The following BAIAP3 variants were observed in gnomAD, a reference collection of about 807,000 sequenced individuals.
BAIAP3 encodes BAI1-associated protein 3.
In BAIAP3, 180 loss-of-function variants were observed where a neutral mutation model predicts 149.7. The ratio of observed to expected loss-of-function variants is 1.20; its 90% confidence interval spans 1.07 to 1.36. The LOEUF is 1.36. BAIAP3 is among the 40% of genes most tolerant of loss of function. The pLI is 0.00. For synonymous variants in BAIAP3, 845 were observed against 670.7 expected, an observed-to-expected ratio of 1.26 and a Z score of -4.02; for missense variants, 1,767 against 1,563.4, an observed-to-expected ratio of 1.13 and a Z score of -2.20.
chr16:1,339,226 A>G lies in BAIAP3; in HGVS notation c.282A>G (p.Arg94=). Reference sequence around the variant, plus strand: ...CTGTGGATCCCAGCCTCGGCCTGAGAGCCCTGGCCCCAGAGGAGGTAAAGG... The same window carrying G: ...CTGTGGATCCCAGCCTCGGCCTGAGGGCCCTGGCCCCAGAGGAGGTAAAGG... ...PEPVDPSLGL[R]ALAPEEVEML... Residue 94 remains arginine, a synonymous_variant, in exon 4 of 34, where the codon AGA becomes AGG. Coordinates refer to ENST00000426824, the MANE Select transcript of BAIAP3 (RefSeq NM_001199097.2). The G allele has an allele frequency of 2.6e-6, 4 of 1,564,998 alleles. No homozygotes were observed. The highest frequency in any genetic ancestry group is 3.5e-6 in the Non-Finnish European group (4 of 1,156,938).
intron 1 of BAIAP3, chr16:1,334,585 C>A: frequency 7.1e-7 from 1 of 1,401,302 alleles, no homozygotes; most frequent in Non-Finnish European, 9.8e-7. Context: ...TGGACCTTGG[C>A]AGCCGTCTGA....
chr16:1,345,709 TGCCTCCC>T, intron 22 of BAIAP3, 31 bp from the exon 23 acceptor site: 1 of 561,850 alleles, frequency 1.8e-6, no homozygotes, highest in Admixed American at 8.7e-5. Flanking sequence ...CAGCCTCCCC[TGCCTCCC>T]CAGCAAACCC....
intron 27 of BAIAP3, 75 bp from the exon 28 acceptor site, chr16:1,346,772 T>A (rs2034402117): frequency 6.5e-7 from 1 of 1,527,264 alleles, no homozygotes; most frequent in African/African-American, 1.4e-5. Flanking sequence ...TGGGAGCTAC[T>A]CCTCCAGGCC....
Position 1,346,516 on chromosome 16 carries a change from T to C in BAIAP3, c.2562+6T>C, listed in dbSNP as rs375315463. 5.4e-4 allele frequency: 865 copies of C among 1,608,674 alleles called. 9 individuals are homozygous for C. The South Asian group carries it at 8.9e-3, about 17-fold the overall frequency. On this transcript the variant is annotated splice_donor_region_variant and intron_variant, in intron 26 of 33. Coordinates refer to ENST00000426824, the MANE Select transcript of BAIAP3 (RefSeq NM_001199097.2). ...ACTCCATCCAGAACGATGAGGTGAG[T>C]GCCGGGGCGAGGGGCCGTGGAGGAC... is the stretch of plus-strand genomic sequence containing the variant.
At position 1,338,687 on chromosome 16, in the gene BAIAP3, G is replaced by T; in HGVS notation, c.131+7G>T. 6.4e-7 allele frequency: 1 copy of T among 1,572,758 alleles called. No individual in the cohort carries two copies. On this transcript the variant is annotated splice_region_variant and intron_variant, in intron 2 of 33. Coordinates refer to ENST00000426824, the MANE Select transcript of BAIAP3 (RefSeq NM_001199097.2). ...AGCCTGCCACGGGGGCCTGGTGGGTGCCGAGGGGCCCAGCCCCACACGCCC... is the reference window on the plus strand; with the variant it reads ...AGCCTGCCACGGGGGCCTGGTGGGTTCCGAGGGGCCCAGCCCCACACGCCC...
At position 1,345,909 on chromosome 16, in the gene BAIAP3, G is replaced by A; in HGVS notation, c.2208+19G>A. 1.9e-6 allele frequency: 3 copies of A among 1,579,512 alleles called. No individual in the cohort carries two copies. Among genetic ancestry groups the A allele is most frequent in the Non-Finnish European group, 1.7e-6 (2 of 1,163,086 alleles). ...TGGCCAGGTGTGTGGGTGGGCCCTGGGGGTGAGGGGAACGGGTGGGAGAGG... is the reference window on the plus strand; with the variant it reads ...TGGCCAGGTGTGTGGGTGGGCCCTGAGGGTGAGGGGAACGGGTGGGAGAGG... On this transcript the variant is annotated intron_variant, in intron 23 of 33. Coordinates refer to ENST00000426824, the MANE Select transcript of BAIAP3 (RefSeq NM_001199097.2).
chr16:1,341,602 T>C (rs1026912282), intron 8 of BAIAP3, 113 bp downstream of exon 8: 1 of 1,380,822 alleles, frequency 7.2e-7, no homozygotes, highest in Non-Finnish European at 9.8e-7. Context: ...TGGGGCCGTG[T>C]GCCCACTTTC....
chr16:1,346,874 C>A lies in BAIAP3; in HGVS notation c.2670C>A (p.Leu890=). 2 of 1,608,410 alleles carry A rather than the reference C, an allele frequency of 1.2e-6. No homozygotes were observed. Among genetic ancestry groups the A allele is most frequent in the Non-Finnish European group, 1.7e-6 (2 of 1,178,928 alleles). ...TGCTGGAGGCCCTGTGGGAGCTACT[C>A]CTCCAGGCCATTCTGCAGGCGCTGG... The part of the protein sequence containing the change: ...SRVLEALWEL[L]LQAILQALGA... The change falls in exon 28 of 34, where the codon CTC becomes CTA. Residue 890 remains leucine (L), a synonymous_variant. Coordinates refer to ENST00000426824, the MANE Select transcript of BAIAP3 (RefSeq NM_001199097.2).
intron 1 of BAIAP3, among the ~76,000 whole-genome samples, chr16:1,336,873 G>A (rs967534471): frequency 2.5e-4 from 38 of 152,208 alleles, no homozygotes; most frequent in Non-Finnish European, 4.3e-4. Flanking sequence ...TCCGCAGGTG[G>A]ATGAGGGAGC....
At position 1,348,731 on chromosome 16, in the gene BAIAP3, G is replaced by C. The variant is rs1255731469; in HGVS notation, c.*249G>C. On this transcript the variant is annotated 3_prime_UTR_variant, in exon 34 of 34. Coordinates refer to ENST00000426824, the MANE Select transcript of BAIAP3 (RefSeq NM_001199097.2). ...CAGGACTTGGCCAGCAGCTGCCCAG[G>C]ACACAGTGCAGGCCAGAGCGGGCTT... The C allele has an allele frequency of 1.7e-6, 1 of 580,262 alleles. No individual in the cohort carries two copies. Among genetic ancestry groups the C allele is most frequent in the African/African-American group, 1.9e-5 (1 of 53,416 alleles). 35.9% of individuals were successfully genotyped at this position (580,262 alleles called of 1,614,324 possible).
Position 1,333,725 on chromosome 16 carries a change from C to T in BAIAP3, c.-35C>T, listed in dbSNP as rs917113350. 2 of 39,928 alleles carry T rather than the reference C, an allele frequency of 5.0e-5. No individual in the cohort carries two copies. Among genetic ancestry groups the T allele is most frequent in the Admixed American group, 1.7e-4 (1 of 6,030 alleles). The allele number at this position is 39,928 out of a possible 1,614,324, so 2.5% of individuals were successfully genotyped here. A position where few individuals can be genotyped will look rare whatever the true frequency, so the allele number is the denominator to read the frequency against. On this transcript the variant is annotated 5_prime_UTR_variant, in exon 1 of 34. Coordinates refer to ENST00000426824, the MANE Select transcript of BAIAP3 (RefSeq NM_001199097.2). ...GTGCCGAGCGCAGCGCCCCAGGAGC[C>T]CCCCCATCCCCGCGCCGGCCCACGG...
At position 1,341,832 on chromosome 16, in the gene BAIAP3, G is replaced by A. The variant is rs1480629909; in HGVS notation, c.742G>A (p.Asp248Asn). ...WKEHFLFEIE[D>N]VSTDQLHLDI... is the part of the protein sequence containing the mutation. The stretch of plus-strand genomic sequence containing the variant: ...CTGTTCTCCTTGTAGCGAGATTGAG[G>A]ATGTGAGCACGGACCAGCTGCACCT... Residue 248 changes from aspartate (D) to asparagine (N), a missense_variant, in exon 9 of 34, where the codon GAT becomes AAT. Asp to Asn is a conservative substitution (Grantham distance 23). Transcript: ENST00000426824. 2 of 1,612,350 alleles carry A rather than the reference G, an allele frequency of 1.2e-6. No individual in the cohort carries two copies.
intron 15 of BAIAP3, 80 bp from the exon 16 acceptor site, chr16:1,343,942 G>A: frequency 6.3e-7 from 1 of 1,579,064 alleles, no homozygotes; most frequent in Non-Finnish European, 8.6e-7. Context: ...GAAGGGTGTT[G>A]CGGGCCAAGG....
intron 1 of BAIAP3, among the ~76,000 whole-genome samples, chr16:1,337,736 A>T (rs1289745364): frequency 2.0e-5 from 3 of 152,174 alleles, no homozygotes; most frequent in Admixed American, 2.0e-4. Context: ...TGGCAACATG[A>T]GGGGAACTGA....
rs2034542481 is a variant in BAIAP3 at position 1,348,428 on chromosome 16, G to A, written c.3405G>A (p.Gln1135=). The change falls in exon 34 of 34, where the codon CAG becomes CAA. Residue 1135 remains glutamine, a synonymous_variant. Coordinates refer to ENST00000426824, the MANE Select transcript of BAIAP3 (RefSeq NM_001199097.2). ...RLEGRTSKEA[Q]EFVKKLKELE... ...AAGGCCGCACCAGCAAGGAGGCGCA[G>A]GAGTTCGTGAAGAAACTCAAGGAGC... 6.2e-7 allele frequency: 1 copy of A among 1,612,730 alleles called. No individual in the cohort carries two copies. The highest frequency in any genetic ancestry group is 8.5e-7 in the Non-Finnish European group (1 of 1,179,842).
In BAIAP3 at chr16:1,338,885, C is replaced by G; in HGVS notation, c.132-17C>G. 1 of 1,612,670 alleles carries G rather than the reference C, an allele frequency of 6.2e-7. No individual in the cohort carries two copies. The highest frequency in any genetic ancestry group is 1.3e-5 in the African/African-American group (1 of 75,048). On this transcript the variant is annotated splice_polypyrimidine_tract_variant and intron_variant, in intron 2 of 33. Coordinates refer to ENST00000426824, the MANE Select transcript of BAIAP3 (RefSeq NM_001199097.2). ...CAGCGTGCTGAGAGCTGTGAGCTGA[C>G]CCGGCTCTTTCTCCAGGAAACCCGG...
intron 3 of BAIAP3, 76 bp from the exon 4 acceptor site, chr16:1,339,088 G>C (rs1004702870): frequency 3.1e-6 from 5 of 1,592,202 alleles, no homozygotes; most frequent in Admixed American, 1.8e-5. Context: ...ACCTCCTGGG[G>C]CACCACCTGT....
Position 1,347,316 on chromosome 16 carries a change from C to T in BAIAP3, c.2770C>T (p.His924Tyr), listed in dbSNP as rs551080820. ...FTLEALVSFF[H>Y]AEGQGLPLES... ...GCCCCAGGCCCTGGTCAGTTTTTTC[C>T]ACGCAGAGGGTCAGGGTTTGCCCCT... The change falls in exon 29 of 34, where the codon CAC becomes TAC. Residue 924 changes from histidine (H) to tyrosine (Y), a missense_variant. Physicochemically the swap from His to Tyr is moderately conservative, Grantham distance 83. Coordinates refer to ENST00000426824, the MANE Select transcript of BAIAP3 (RefSeq NM_001199097.2). 1 of 1,613,390 alleles carries T rather than the reference C, an allele frequency of 6.2e-7. No individual in the cohort carries two copies. Among genetic ancestry groups the T allele is most frequent in the Non-Finnish European group, 8.5e-7 (1 of 1,179,934 alleles).
At position 1,345,236 on chromosome 16, in the gene BAIAP3, C is replaced by T. The variant is rs375847015; in HGVS notation, c.1941-13C>T. On this transcript the variant is annotated splice_polypyrimidine_tract_variant and intron_variant, in intron 21 of 33. Transcript: ENST00000426824. ...TGAGTCAGGGCCGAGCCCTCACAAC[C>T]CTCCCACCACAGGGACAGCCGCTCT... 2.9e-5 allele frequency: 46 copies of T among 1,612,264 alleles called. No individual in the cohort carries two copies. The highest frequency in any genetic ancestry group is 3.4e-5 in the Non-Finnish European group (40 of 1,179,588).
Sources: allele counts gnomAD v4.1 joint callset (sites outside exome capture counted in the v4.1 genomes callset), GRCh38; gene constraint gnomAD v4.1.1; transcripts MANE v1.5; gene names NCBI Gene and HGNC (gene_info 2026-07-23, HGNC 2026-07-21).